Variants in PIP5K1B observed in about 807,000 individuals in gnomAD.
PIP5K1B encodes phosphatidylinositol-4-phosphate 5-kinase type 1 beta.
PIP5K1B carries 42 observed loss-of-function variants against 67.0 expected under a neutral mutation model. The observed-to-expected ratio is 0.63, with a 90% CI of 0.49 to 0.81. PIP5K1B has a LOEUF of 0.81. Among genes scored for constraint, PIP5K1B ranks in the 30% least tolerant of loss-of-function variants. The pLI, the probability that PIP5K1B is intolerant of heterozygous loss-of-function variation, is 0.00. For synonymous variants in PIP5K1B, 214 were observed against 231.4 expected, an observed-to-expected ratio of 0.92 and a Z score of 0.68; for missense variants, 459 against 646.3, an observed-to-expected ratio of 0.71 and a Z score of 3.14.
chr9:68,851,892 C>A lies in PIP5K1B; in HGVS notation c.70-11945C>A, dbSNP rs374365559. Among the ~76,000 whole-genome samples the A allele has an allele frequency of 7.2e-5, 11 of 152,188 alleles. No individual in the cohort carries two copies. In the East Asian group the frequency reaches 1.3e-3, roughly 19 times the overall value. Reference sequence around the variant, plus strand: ...GGCCCTCCTTGCATCTGAGCCAGGCCGTGTGGCTTATCCTTACTGGTGTGC... The same window carrying A: ...GGCCCTCCTTGCATCTGAGCCAGGCAGTGTGGCTTATCCTTACTGGTGTGC... On this transcript the variant is annotated intron_variant, in intron 4 of 15. Coordinates refer to ENST00000265382, the MANE Select transcript of PIP5K1B (RefSeq NM_003558.4).
intron 4 of PIP5K1B, among the ~76,000 whole-genome samples, chr9:68,826,598 A>T (rs1833998617): frequency 6.6e-6 from 1 of 152,208 alleles, no homozygotes; most frequent in South Asian, 2.1e-4. Context: ...AAAAGTGAGA[A>T]GAAAAAAGGA....
At chr9:68,897,030 T>C (rs1426664237) in intron 8 of PIP5K1B, among the ~76,000 whole-genome samples, 1 of 152,134 alleles carries the variant, frequency 6.6e-6, no homozygotes, top group East Asian at 1.9e-4. Flanking sequence ...ATGATTGCAA[T>C]AGGATATGTG....
chr9:68,721,954 A>G (rs1352263410), intron 1 of PIP5K1B, among the ~76,000 whole-genome samples: 2 of 152,114 alleles, frequency 1.3e-5, no homozygotes, highest in Admixed American at 6.5e-5. Flanking sequence ...TCATGATAGC[A>G]TGTACAGCCT....
Position 68,919,728 on chromosome 9 carries a change from G to A in PIP5K1B, c.1115G>A (p.Gly372Glu), listed in dbSNP as rs763686373. ...TCCTGGAAAGCTCTTGTTTATGATGGGGTAAGTGACTTATTTTCCTTATTA... is the reference window on the plus strand; with the variant it reads ...TCCTGGAAAGCTCTTGTTTATGATGAGGTAAGTGACTTATTTTCCTTATTA... ...EHSWKALVYD[G>E]DTVSVHRPSF... Residue 372 changes from glycine to glutamate, a missense_variant and splice_region_variant, in exon 11 of 16, where the codon GGG (glycine) becomes GAG (glutamate). Gly to Glu is a moderately conservative substitution (Grantham distance 98). This residue lies in a region of PIP5K1B where 290 missense variants were observed against 474.4 expected (regional missense o/e 0.61). Coordinates refer to ENST00000265382, the MANE Select transcript of PIP5K1B (RefSeq NM_003558.4). 6.5e-7 allele frequency: 1 copy of A among 1,530,738 alleles called. No individual in the cohort carries two copies. Among genetic ancestry groups the A allele is most frequent in the South Asian group, 1.1e-5 (1 of 88,590 alleles). The allele number at this position is 1,530,738 out of a possible 1,614,324, so 94.8% of individuals were successfully genotyped here. A position where few individuals can be genotyped will look rare whatever the true frequency, so the allele number is the denominator to read the frequency against.
chr9:68,710,668 C>A (rs188964096), intron 1 of PIP5K1B, among the ~76,000 whole-genome samples: 2 of 152,250 alleles, frequency 1.3e-5, no homozygotes, highest in East Asian at 3.9e-4. Flanking sequence ...GTGATTGGGA[C>A]AAGGTTGCAT....
intron 6 of PIP5K1B, among the ~76,000 whole-genome samples, chr9:68,888,026 T>C (rs1727895619): frequency 6.7e-6 from 1 of 148,398 alleles, no homozygotes; most frequent in African/African-American, 2.5e-5. Context: ...TCGCCCAGGC[T>C]GGAGTGCAAT....
chr9:68,827,242 G>A (rs995544991), intron 4 of PIP5K1B, among the ~76,000 whole-genome samples: 2 of 152,282 alleles, frequency 1.3e-5, no homozygotes, highest in South Asian at 2.1e-4. Context: ...GGAAGTATGG[G>A]CTGGCTCTAA....
At chr9:68,860,422 G>A (rs995068026) in intron 4 of PIP5K1B, among the ~76,000 whole-genome samples, 2 of 152,136 alleles carry the variant, frequency 1.3e-5, no homozygotes, top group Non-Finnish European at 2.9e-5. Context: ...TGACATTAAC[G>A]ATGGTGTTTG....
intron 2 of PIP5K1B, among the ~76,000 whole-genome samples, chr9:68,798,438 T>C (rs1037550529): frequency 6.6e-6 from 1 of 152,164 alleles, no homozygotes; most frequent in East Asian, 1.9e-4. Flanking sequence ...AGGTAGTTAG[T>C]AGTTAGTAAA....
At chr9:68,920,784 T>TCTCACACATA (rs879785029) in intron 11 of PIP5K1B, among the ~76,000 whole-genome samples, 65 of 142,224 alleles carry the variant, frequency 4.6e-4, no homozygotes, top group African/African-American at 1.6e-3. Flanking sequence ...TCTCTCTCTC[T>TCTCACACATA]CACACACATA....
intron 4 of PIP5K1B, among the ~76,000 whole-genome samples, chr9:68,844,346 T>G (rs954287713): frequency 2.0e-5 from 3 of 152,128 alleles, no homozygotes; most frequent in Admixed American, 6.5e-5. Context: ...CCTCTAATCA[T>G]GCCTGGGAAG....
At chr9:68,846,089 G>A (rs1269557889) in intron 4 of PIP5K1B, among the ~76,000 whole-genome samples, 1 of 152,126 alleles carries the variant, frequency 6.6e-6, no homozygotes, top group Non-Finnish European at 1.5e-5. Flanking sequence ...CACAAAATAA[G>A]CACTTAACAC....
In PIP5K1B at chr9:68,734,301, C is replaced by A. The variant is rs567873242; in HGVS notation, c.-242-8200C>A. Among the ~76,000 whole-genome samples, 4 of 152,270 alleles carry A rather than the reference C, an allele frequency of 2.6e-5. No individual in the cohort carries two copies. In the East Asian group the frequency reaches 7.7e-4, roughly 29 times the overall value. On this transcript the variant is annotated intron_variant, in intron 1 of 15. Transcript: ENST00000265382. ...GAGGAAATACGCATGTGAGACACAA[C>A]CAACTGCCTGGGAACTCAAAGTGAG...
intron 14 of PIP5K1B, among the ~76,000 whole-genome samples, chr9:68,946,270 C>T (rs1165966652): frequency 1.3e-5 from 2 of 152,232 alleles, no homozygotes; most frequent in African/African-American, 2.4e-5. Flanking sequence ...CTGCTGTGAA[C>T]TTTGCAGCTA....
At chr9:69,001,053 C>G (rs1342624787) in intron 15 of PIP5K1B, among the ~76,000 whole-genome samples, 1 of 152,026 alleles carries the variant, frequency 6.6e-6, no homozygotes, top group African/African-American at 2.4e-5. Context: ...CGCACGCCAC[C>G]ACACCCGGCT....
chr9:68,871,164 C>G (rs1231099756), intron 5 of PIP5K1B, among the ~76,000 whole-genome samples: 1 of 152,216 alleles, frequency 6.6e-6, no homozygotes, highest in East Asian at 1.9e-4. Flanking sequence ...AAATTCTACC[C>G]ACCAGCCCCT....
chr9:68,897,705 C>T (rs987566624), intron 8 of PIP5K1B, among the ~76,000 whole-genome samples: 92 of 152,258 alleles, frequency 6.0e-4, no homozygotes, highest in African/African-American at 2.1e-3. Flanking sequence ...AGTAGCAAAT[C>T]CAAGAATCCC....
intron 14 of PIP5K1B, among the ~76,000 whole-genome samples, chr9:68,988,064 A>T (rs1830168332): frequency 6.6e-6 from 1 of 152,192 alleles, no homozygotes. Context: ...TTTTTAGGAA[A>T]TTCACACTGA....
Position 68,780,220 on chromosome 9 carries a change from G to T in PIP5K1B, c.-86+37563G>T, listed in dbSNP as rs200501115. 117 of 1,540,554 alleles carry T rather than the reference G, an allele frequency of 7.6e-5. 1 individual carries two copies. The Admixed American group carries it at 2.4e-3, about 32-fold the overall frequency. On this transcript the variant is annotated intron_variant, in intron 2 of 15. Transcript: ENST00000265382. ...GAGCTGCCTCCGGGTACGGGCGGGA[G>T]CCCGGCGGAGGGCGGTGGCAGCGGC...
Sources: allele counts gnomAD v4.1 joint callset (sites outside exome capture counted in the v4.1 genomes callset), GRCh38; gene constraint gnomAD v4.1.1; regional missense constraint gnomAD v4.1.1; transcripts MANE v1.5; gene names NCBI Gene and HGNC (gene_info 2026-07-23, HGNC 2026-07-21).